Variants in DGKI observed in about 807,000 individuals in gnomAD.
DGKI encodes the protein DAG kinase iota.
DGKI carries 55 observed loss-of-function variants against 147.5 expected under a neutral mutation model. The observed-to-expected ratio is 0.37, with a 90% CI of 0.30 to 0.47. The LOEUF is 0.47. Ranked by LOEUF, DGKI falls within the 20% of genes least tolerant of loss-of-function variation. The probability of loss-of-function intolerance (pLI) is 1.00; values close to 1 mark genes in which losing one functional copy is unlikely to be tolerated. For synonymous variants in DGKI, 469 were observed against 477.1 expected, an observed-to-expected ratio of 0.98 and a Z score of 0.22; for missense variants, 1,007 against 1,323.8, an observed-to-expected ratio of 0.76 and a Z score of 3.71.
intron 28 of DGKI, among the ~76,000 whole-genome samples, chr7:137,417,721 C>G (rs2128904280): frequency 6.6e-6 from 1 of 152,286 alleles, no homozygotes; most frequent in South Asian, 2.1e-4. Flanking sequence ...GTGATTAAGT[C>G]ACGAAGGCTC....
chr7:137,757,425 G>A (rs1016927980), intron 1 of DGKI, among the ~76,000 whole-genome samples: 1 of 151,810 alleles, frequency 6.6e-6, no homozygotes, highest in African/African-American at 2.4e-5. Context: ...TTTCTTAACC[G>A]TTGGTGTCAG....
intron 28 of DGKI, among the ~76,000 whole-genome samples, chr7:137,420,088 C>T (rs1812505794): frequency 6.6e-6 from 1 of 152,210 alleles, no homozygotes. Flanking sequence ...AGACACATGG[C>T]TAGTAACTGG....
At chr7:137,401,395 G>A (rs949076710) in intron 30 of DGKI, among the ~76,000 whole-genome samples, 1 of 151,966 alleles carries the variant, frequency 6.6e-6, no homozygotes, top group African/African-American at 2.4e-5. Context: ...GCTGGGCGTG[G>A]TGGTACATGC....
At chr7:137,532,247 A>C (rs2128957207) in intron 20 of DGKI, among the ~76,000 whole-genome samples, 1 of 152,238 alleles carries the variant, frequency 6.6e-6, no homozygotes, top group South Asian at 2.1e-4. Context: ...GTGGTAGTAG[A>C]TCTGCATTTC....
At chr7:137,468,070 T>C (rs528305899) in intron 24 of DGKI, among the ~76,000 whole-genome samples, 16 of 150,042 alleles carry the variant, frequency 1.1e-4, no homozygotes, top group African/African-American at 3.7e-4. Context: ...ATATTATAAA[T>C]AGATTTTCTA....
chr7:137,681,249 T>A (rs924005240), intron 2 of DGKI, among the ~76,000 whole-genome samples: 6 of 152,298 alleles, frequency 3.9e-5, no homozygotes, highest in Admixed American at 3.9e-4. Context: ...TGGTAATTTT[T>A]CCCTGTTGCA....
At chr7:137,662,922 A>C (rs1822495946) in intron 3 of DGKI, among the ~76,000 whole-genome samples, 1 of 152,236 alleles carries the variant, frequency 6.6e-6, no homozygotes, top group East Asian at 1.9e-4. Context: ...GAAGAAAAGC[A>C]GTAGGAACAA....
intron 2 of DGKI, among the ~76,000 whole-genome samples, chr7:137,689,307 C>G (rs1585373686): frequency 6.6e-6 from 1 of 152,192 alleles, no homozygotes; most frequent in East Asian, 1.9e-4. Flanking sequence ...TGAAGACTCT[C>G]AATAAATGTG....
chr7:137,472,313 C>CATTAAATATTATATGTAT lies in DGKI; in HGVS notation c.2374-2695_2374-2694insATACATATAATATTTAAT, dbSNP rs1814969834. ...GTATGTGTATATTTATGTGTATATA[C>CATTAAATATTATATGTAT]ATATAATTATTATATGTATATATAC... is the stretch of plus-strand genomic sequence containing the variant. On this transcript the variant is annotated intron_variant, in intron 23 of 32. Coordinates refer to ENST00000614521, the MANE Select transcript of DGKI (RefSeq NM_001321708.2). 7.6e-5 allele frequency among the ~76,000 whole-genome samples: 6 copies of CATTAAATATTATATGTAT among 79,042 alleles called. 1 individual carries two copies. The highest frequency in any genetic ancestry group is 5.6e-4 in the African/African-American group (6 of 10,718). 51.9% of individuals were successfully genotyped at this position (79,042 alleles called of 152,430 possible).
chr7:137,815,487 GT>G (rs1563210497), intron 1 of DGKI, among the ~76,000 whole-genome samples: 1 of 152,212 alleles, frequency 6.6e-6, no homozygotes, highest in African/African-American at 2.4e-5. Flanking sequence ...TTCTTTTGAT[GT>G]GGGTTACAAA....
Position 137,552,485 on chromosome 7 carries a change from C to G in DGKI, c.2031G>C (p.Met677Ile). The G allele has an allele frequency of 8.1e-6, 13 of 1,614,148 alleles. No homozygotes were observed. Among genetic ancestry groups the G allele is most frequent in the Non-Finnish European group, 1.1e-5 (13 of 1,179,992 alleles). ...VMLLTYKSIP[M>I]QVDGEPCRLA... ...ACCTACAGGGCTCCCCATCCACTTG[C>G]ATGGGGATGGATTTGTAAGTTAGAA... The change falls in exon 20 of 33, where the codon ATG becomes ATC. Residue 677 changes from methionine (M) to isoleucine (I), a missense_variant. Transcript: ENST00000614521.
At chr7:137,445,302 G>T (rs1393273991) in intron 27 of DGKI, among the ~76,000 whole-genome samples, 1 of 152,170 alleles carries the variant, frequency 6.6e-6, no homozygotes, top group Non-Finnish European at 1.5e-5. Flanking sequence ...GAGTGGCAAA[G>T]TATCAATTTA....
At chr7:137,468,884 G>C (rs1814766586) in intron 24 of DGKI, among the ~76,000 whole-genome samples, 1 of 152,128 alleles carries the variant, frequency 6.6e-6, no homozygotes, top group Non-Finnish European at 1.5e-5. Flanking sequence ...ATGAACAAAA[G>C]AGAGAATGGG....
chr7:137,514,220 C>T (rs142172357), intron 21 of DGKI, among the ~76,000 whole-genome samples: 48 of 152,108 alleles, frequency 3.2e-4, no homozygotes, highest in East Asian at 1.2e-3. Context: ...ACCTCTTCCG[C>T]GGTTTTAGCT....
chr7:137,573,093 G>T (rs1818848109), intron 17 of DGKI, among the ~76,000 whole-genome samples: 1 of 151,912 alleles, frequency 6.6e-6, no homozygotes. Context: ...TTTCTTCTCT[G>T]GTCTCACAAT....
chr7:137,771,380 C>T (rs1211492842), intron 1 of DGKI, among the ~76,000 whole-genome samples: 1 of 152,170 alleles, frequency 6.6e-6, no homozygotes, highest in Admixed American at 6.5e-5. Flanking sequence ...TGTGAGCCAC[C>T]GTGCCAGGCC....
At chr7:137,517,045 G>T (rs758809212) in intron 21 of DGKI, among the ~76,000 whole-genome samples, 15 of 151,342 alleles carry the variant, frequency 9.9e-5, no homozygotes, top group Non-Finnish European at 1.6e-4. Flanking sequence ...GACATGATGG[G>T]GCAAAAAGCC....
chr7:137,775,744 G>A (rs536964165), intron 1 of DGKI, among the ~76,000 whole-genome samples: 5 of 152,306 alleles, frequency 3.3e-5, no homozygotes, highest in African/African-American at 1.2e-4. Flanking sequence ...CATTTAAACA[G>A]TAGGGAACTC....
intron 17 of DGKI, among the ~76,000 whole-genome samples, chr7:137,574,123 T>C (rs556226821): frequency 6.6e-6 from 1 of 152,346 alleles, no homozygotes; most frequent in East Asian, 1.9e-4. Flanking sequence ...TTGCTAGTGG[T>C]CAGGTTGTCT....
Sources: gnomAD v4.1 joint callset for allele counts (sites outside exome capture counted in the v4.1 genomes callset) on GRCh38, gnomAD v4.1.1 for gene constraint, MANE v1.5 for transcripts, NCBI Gene and HGNC (gene_info 2026-07-23, HGNC 2026-07-21) for gene names.